L3MBTL4: variants seen among roughly 807,000 people sequenced by gnomAD.
L3MBTL4 encodes L3MBTL histone methyl-lysine binding protein 4.
L3MBTL4 carries 70 observed loss-of-function variants against 84.5 expected under a neutral mutation model. The observed-to-expected ratio is 0.83, with a 90% CI of 0.68 to 1.01. L3MBTL4 has a LOEUF of 1.01. Ranked by LOEUF, L3MBTL4 falls within the 50% of genes least tolerant of loss-of-function variation. The probability of loss-of-function intolerance (pLI) is 0.00; values close to 1 mark genes in which losing one functional copy is unlikely to be tolerated. For missense variants in L3MBTL4, 715 were observed against 754.8 expected, an observed-to-expected ratio of 0.95 and a Z score of 0.62; for synonymous variants, 274 against 259.8, an observed-to-expected ratio of 1.05 and a Z score of -0.52.
At chr18:5,985,406 C>G (rs1355726177) in intron 16 of L3MBTL4, among the ~76,000 whole-genome samples, 1 of 152,128 alleles carries the variant, frequency 6.6e-6, no homozygotes, top group Non-Finnish European at 1.5e-5. Flanking sequence ...CTTTGTCTGA[C>G]CAAGCCTGAA....
rs1555663722 is a variant in L3MBTL4, at chr18:6,129,368, C to CTCTGTGTGTGTGTG, written c.1199+8825_1199+8826insCACACACACACAGA. On this transcript the variant is annotated intron_variant, in intron 14 of 18. Transcript: ENST00000317931. The stretch of plus-strand genomic sequence containing the variant: ...TCTTAACAATTTACTGGAATTCTCT[C>CTCTGTGTGTGTGTG]TGTGTGTGTGTGTGTGTGTGTGTGT... Among the ~76,000 whole-genome samples, 14 of 138,302 alleles carry CTCTGTGTGTGTGTG rather than the reference C, an allele frequency of 1.0e-4. 1 individual carries two copies. The highest frequency in any genetic ancestry group is 4.9e-4 in the South Asian group (2 of 4,122). The allele number at this position is 138,302 out of a possible 152,430, so 90.7% of individuals were successfully genotyped here. A position where few individuals can be genotyped will look rare whatever the true frequency, so the allele number is the denominator to read the frequency against.
At chr18:6,371,338 A>T (rs1170285776) in intron 1 of L3MBTL4, among the ~76,000 whole-genome samples, 1 of 152,188 alleles carries the variant, frequency 6.6e-6, no homozygotes, top group East Asian at 1.9e-4. Context: ...GAGTTCTGGA[A>T]ATGCCTGTGA....
chr18:6,315,365 T>A (rs1426029825), intron 1 of L3MBTL4, among the ~76,000 whole-genome samples: 3 of 152,248 alleles, frequency 2.0e-5, no homozygotes, highest in Non-Finnish European at 4.4e-5. Flanking sequence ...TGCATTTTGA[T>A]AACTTATGCA....
chr18:6,215,891 G>A (rs189217113), intron 10 of L3MBTL4, 56 bp from the exon 11 acceptor site: 53 of 968,988 alleles, frequency 5.5e-5, no homozygotes, highest in Middle Eastern at 5.5e-4. Context: ...TCTGATTCCC[G>A]TATACTACAA....
At chr18:6,022,921 C>T (rs532155331) in intron 16 of L3MBTL4, among the ~76,000 whole-genome samples, 1 of 152,176 alleles carries the variant, frequency 6.6e-6, no homozygotes, top group African/African-American at 2.4e-5. Flanking sequence ...TCACACTGCT[C>T]GGGTTTGACT....
chr18:5,964,825 G>A (rs2052261676), intron 17 of L3MBTL4, among the ~76,000 whole-genome samples: 1 of 152,104 alleles, frequency 6.6e-6, no homozygotes, highest in Admixed American at 6.6e-5. Flanking sequence ...ATATATACCT[G>A]GCAGAATCAG....
At chr18:5,970,504 A>T (rs1055196619) in intron 16 of L3MBTL4, among the ~76,000 whole-genome samples, 1 of 152,216 alleles carries the variant, frequency 6.6e-6, no homozygotes, top group Admixed American at 6.5e-5. Context: ...CTACAAATGG[A>T]TAAGGAGCAA....
chr18:6,246,674 C>G lies in L3MBTL4; in HGVS notation c.220-2086G>C, dbSNP rs527856854. Among the ~76,000 whole-genome samples, 7 of 152,288 alleles carry G rather than the reference C, an allele frequency of 4.6e-5. No individual in the cohort carries two copies. In the East Asian group the frequency reaches 1.2e-3, roughly 25 times the overall value. The stretch of plus-strand genomic sequence containing the variant: ...ATCCCAGCACTTTGGGAGGCCAAGG[C>G]AGGTGGATCGTCTGAGGTCAGGAGT... On this transcript the variant is annotated intron_variant, in intron 5 of 18. Transcript: ENST00000317931.
At position 6,083,311 on chromosome 18, in the gene L3MBTL4, G is replaced by A. The variant is rs540617419; in HGVS notation, c.1374-2360C>T. ...CGAGAATTAGGGTGGAACAGAACGAGCATAAGTAACGTGGGACGGGGAAGT... is the reference window on the plus strand; with the variant it reads ...CGAGAATTAGGGTGGAACAGAACGAACATAAGTAACGTGGGACGGGGAAGT... On this transcript the variant is annotated intron_variant, in intron 15 of 18. Transcript: ENST00000317931. Among the ~76,000 whole-genome samples, 3 of 152,282 alleles carry A rather than the reference G, an allele frequency of 2.0e-5. No individual in the cohort carries two copies. In the East Asian group the frequency reaches 5.8e-4, roughly 29 times the overall value.
At chr18:6,192,386 GGGGT>G (rs2045151301) in intron 12 of L3MBTL4, among the ~76,000 whole-genome samples, 1 of 152,114 alleles carries the variant, frequency 6.6e-6, no homozygotes, top group Non-Finnish European at 1.5e-5. Context: ...TGTAGATAAG[GGGGT>G]GCTTCATTAG....
chr18:5,992,257 C>T (rs559155077), intron 16 of L3MBTL4, among the ~76,000 whole-genome samples: 1 of 152,120 alleles, frequency 6.6e-6, no homozygotes, highest in Non-Finnish European at 1.5e-5. Flanking sequence ...TGGACAGAAG[C>T]CTGTTAGGCA....
chr18:6,374,135 C>T (rs1169224400), intron 1 of L3MBTL4, among the ~76,000 whole-genome samples: 2 of 152,224 alleles, frequency 1.3e-5, no homozygotes, highest in Non-Finnish European at 2.9e-5. Context: ...GCCCTTCACA[C>T]TCCTGCTACA....
In L3MBTL4 at chr18:6,172,060, T is replaced by C; in HGVS notation, c.982-118A>G. The C allele has an allele frequency of 5.6e-6, 3 of 540,376 alleles. No homozygotes were observed. The East Asian group carries it at 9.8e-5, about 18-fold the overall frequency. 33.5% of individuals were successfully genotyped at this position (540,376 alleles called of 1,614,324 possible). On this transcript the variant is annotated intron_variant, in intron 12 of 18. Coordinates refer to ENST00000317931, the MANE Select transcript of L3MBTL4 (RefSeq NM_001330559.2). ...GATTGAAATTTTATTGATCACACCT[T>C]GCAGTTGAAATAATATTTAATATGT...
chr18:5,984,346 C>T (rs1028004633), intron 16 of L3MBTL4, among the ~76,000 whole-genome samples: 9 of 152,216 alleles, frequency 5.9e-5, no homozygotes, highest in Non-Finnish European at 1.2e-4. Context: ...ATTATTGAGC[C>T]ATACTTTATT....
At chr18:6,086,347 A>G (rs574316621) in intron 15 of L3MBTL4, among the ~76,000 whole-genome samples, 93 of 152,346 alleles carry the variant, frequency 6.1e-4, no homozygotes, top group Non-Finnish European at 8.5e-4. Context: ...GCCTGAGCCA[A>G]GGCAGGATTC....
chr18:6,292,285 G>T (rs2049902432), intron 4 of L3MBTL4, among the ~76,000 whole-genome samples: 1 of 152,132 alleles, frequency 6.6e-6, no homozygotes, highest in Admixed American at 6.5e-5. Flanking sequence ...TTGAGGTTTT[G>T]AATTATTATT....
intron 14 of L3MBTL4, among the ~76,000 whole-genome samples, chr18:6,124,688 T>C (rs2048566365): frequency 6.6e-6 from 1 of 152,080 alleles, no homozygotes; most frequent in East Asian, 1.9e-4. Flanking sequence ...TGCAGGCACC[T>C]AGACAAATCA....
chr18:5,972,934 GAAT>G lies in L3MBTL4; in HGVS notation c.1445-3375_1445-3373del, dbSNP rs1376553946. Among the ~76,000 whole-genome samples, 23 of 146,312 alleles carry G rather than the reference GAAT, an allele frequency of 1.6e-4. 1 individual carries two copies. The highest frequency in any genetic ancestry group is 5.9e-4 in the African/African-American group (23 of 39,160). On this transcript the variant is annotated intron_variant, in intron 16 of 18. Coordinates refer to ENST00000317931, the MANE Select transcript of L3MBTL4 (RefSeq NM_001330559.2). ...GAATAGAATAGAATAGAATAGAATA[GAAT>G]AGAATAGAATAGAATAGAATAGAAT...
intron 1 of L3MBTL4, among the ~76,000 whole-genome samples, chr18:6,342,548 T>A (rs1474822394): frequency 6.6e-6 from 1 of 152,018 alleles, no homozygotes; most frequent in Non-Finnish European, 1.5e-5. Context: ...GTGAGCCTTA[T>A]GGTAACCACA....
Sources: allele counts gnomAD v4.1 joint callset (sites outside exome capture counted in the v4.1 genomes callset), GRCh38; gene constraint gnomAD v4.1.1; transcripts MANE v1.5; gene names NCBI Gene and HGNC (gene_info 2026-07-23, HGNC 2026-07-21).